The following FILIP1 variants were observed in gnomAD, a reference collection of about 807,000 sequenced individuals.
FILIP1 encodes filamin-A-interacting protein 1.
A neutral mutation model predicts 102.1 loss-of-function variants in FILIP1; 61 were observed. The observed-to-expected ratio is 0.60, with a 90% CI of 0.49 to 0.74. FILIP1 has a LOEUF of 0.74. FILIP1 is among the 30% of genes least tolerant of loss of function. The probability of loss-of-function intolerance (pLI) is 0.00; values close to 1 mark genes in which losing one functional copy is unlikely to be tolerated. For synonymous variants in FILIP1, 491 were observed against 526.9 expected, an observed-to-expected ratio of 0.93 and a Z score of 0.93; for missense variants, 1,314 against 1,441.2, an observed-to-expected ratio of 0.91 and a Z score of 1.43.
Position 75,315,476 on chromosome 6 carries a change from T to G in FILIP1, c.630-274A>C, listed in dbSNP as rs573505909. Among the ~76,000 whole-genome samples, 3 of 152,374 alleles carry G rather than the reference T, an allele frequency of 2.0e-5. No individual in the cohort carries two copies. In the East Asian group the frequency reaches 5.8e-4, roughly 29 times the overall value. On this transcript the variant is annotated intron_variant, in intron 4 of 5. Coordinates refer to ENST00000237172, the MANE Select transcript of FILIP1 (RefSeq NM_015687.5). ...GCTTGCTATACAGGATTGTTTAGCT[T>G]ACCTTATGAAATTTCAGTAAGCTGA...
At chr6:75,365,474 G>A (rs1445017047) in intron 2 of FILIP1, among the ~76,000 whole-genome samples, 2 of 152,226 alleles carry the variant, frequency 1.3e-5, no homozygotes, top group South Asian at 2.1e-4. Flanking sequence ...GGGTTCAAGC[G>A]ATTCTCCTGC....
chr6:75,485,390 A>C (rs969528195), intron 1 of FILIP1, among the ~76,000 whole-genome samples: 2 of 152,184 alleles, frequency 1.3e-5, no homozygotes, highest in Admixed American at 1.3e-4. Context: ...GGGGTGTGCT[A>C]GTATAGTTGT....
chr6:75,392,524 G>A (rs1367146054), intron 2 of FILIP1, among the ~76,000 whole-genome samples: 6 of 152,120 alleles, frequency 3.9e-5, no homozygotes, highest in Admixed American at 1.3e-4. Context: ...CATTTGCTCA[G>A]GCAAACAACC....
At chr6:75,424,115 A>C (rs1777559843) in intron 1 of FILIP1, among the ~76,000 whole-genome samples, 1 of 152,212 alleles carries the variant, frequency 6.6e-6, no homozygotes. Context: ...CCATTTGCCC[A>C]AACAATATGG....
intron 3 of FILIP1, among the ~76,000 whole-genome samples, chr6:75,356,118 A>C (rs573345969): frequency 6.6e-5 from 10 of 152,298 alleles, no homozygotes; most frequent in African/African-American, 9.6e-5. Context: ...CATATTTAAA[A>C]TCAGTTCTCA....
chr6:75,429,288 C>A (rs1189896909), intron 1 of FILIP1, among the ~76,000 whole-genome samples: 1 of 152,138 alleles, frequency 6.6e-6, no homozygotes, highest in Non-Finnish European at 1.5e-5. Flanking sequence ...GGATGGCAAA[C>A]AGAAATGCAA....
At chr6:75,395,792 C>T (rs1220852806) in intron 2 of FILIP1, among the ~76,000 whole-genome samples, 2 of 152,122 alleles carry the variant, frequency 1.3e-5, no homozygotes, top group Non-Finnish European at 2.9e-5. Context: ...ATAAAAGTTT[C>T]CGAACACCTG....
intron 2 of FILIP1, among the ~76,000 whole-genome samples, chr6:75,398,539 C>T (rs553358273): frequency 2.0e-5 from 3 of 152,152 alleles, no homozygotes; most frequent in Admixed American, 6.6e-5. Flanking sequence ...AAGAAGGGGC[C>T]GTCTGTATCT....
Position 75,314,532 on chromosome 6 carries a change from C to A in FILIP1, c.1300G>T (p.Glu434Ter). ...AATGCTTCTTCCAATTTCTCTAGTT[C>A]AGACATTCTCTTCTGTAGCTTCTCA... ...EVEKLQKRMS[E>*]LEKLEEAFSK... The change falls in exon 5 of 6, where the codon GAA becomes TAA. Residue 434 changes from glutamate to a stop codon, truncating the protein, a stop_gained. Coordinates refer to ENST00000237172, the MANE Select transcript of FILIP1 (RefSeq NM_015687.5). LOFTEE classifies it high-confidence loss of function. The A allele has an allele frequency of 6.2e-7, 1 of 1,613,816 alleles. No individual in the cohort carries two copies. The highest frequency in any genetic ancestry group is 8.5e-7 in the Non-Finnish European group (1 of 1,179,972).
intron 1 of FILIP1, 59 bp from the exon 2 acceptor site, chr6:75,415,037 G>A: frequency 6.7e-7 from 1 of 1,498,252 alleles, no homozygotes. Flanking sequence ...AATTATTTTT[G>A]CCTAAATACT....
chr6:75,436,822 G>C (rs544254883), intron 1 of FILIP1, among the ~76,000 whole-genome samples: 4 of 152,114 alleles, frequency 2.6e-5, no homozygotes, highest in Admixed American at 2.6e-4. Context: ...CAGCTCTCCA[G>C]AAAAAATAAA....
At chr6:75,390,688 A>G (rs771209830) in intron 2 of FILIP1, among the ~76,000 whole-genome samples, 5 of 152,170 alleles carry the variant, frequency 3.3e-5, no homozygotes, top group African/African-American at 4.8e-5. Context: ...ATCACCTTTC[A>G]CCAGGCCCTA....
intron 1 of FILIP1, among the ~76,000 whole-genome samples, chr6:75,427,413 A>T (rs564255966): frequency 6.6e-6 from 1 of 152,300 alleles, no homozygotes; most frequent in Non-Finnish European, 1.5e-5. Context: ...CATGCAAAGA[A>T]ATTTTCCTTT....
At chr6:75,409,605 A>G (rs183456476) in intron 2 of FILIP1, among the ~76,000 whole-genome samples, 1 of 152,242 alleles carries the variant, frequency 6.6e-6, no homozygotes, top group Admixed American at 6.5e-5. Flanking sequence ...CGAAACTAGG[A>G]TTATGGGAGG....
At position 75,420,322 on chromosome 6, in the gene FILIP1, G is replaced by A. The variant is rs181110148; in HGVS notation, c.-6-5344C>T. 3.4e-3 allele frequency among the ~76,000 whole-genome samples: 514 copies of A among 151,482 alleles called. 6 individuals are homozygous for A. The highest frequency in any genetic ancestry group is 0.012 in the African/African-American group (495 of 41,360). On this transcript the variant is annotated intron_variant, in intron 1 of 5. Transcript: ENST00000237172. ...AAAGACAAAAAATAACAAGAGAATA[G>A]ATCAGGGAACTGCCATGAAATAAGA...
chr6:75,441,972 G>C (rs1375476936), intron 1 of FILIP1, among the ~76,000 whole-genome samples: 3 of 151,762 alleles, frequency 2.0e-5, no homozygotes, highest in African/African-American at 4.8e-5. Context: ...TGGCTGCGGG[G>C]CGGAGACGCT....
intron 2 of FILIP1, among the ~76,000 whole-genome samples, chr6:75,381,698 T>C (rs1775910254): frequency 6.6e-6 from 1 of 152,178 alleles, no homozygotes; most frequent in Admixed American, 6.5e-5. Context: ...AAGTCTGACT[T>C]TGGATTTGTA....
intron 1 of FILIP1, among the ~76,000 whole-genome samples, chr6:75,446,987 A>G (rs918137879): frequency 6.6e-6 from 1 of 152,150 alleles, no homozygotes; most frequent in African/African-American, 2.4e-5. Flanking sequence ...CTTGGTTAAC[A>G]TTGGTGTCAT....
downstream of FILIP1, among the ~76,000 whole-genome samples, chr6:75,306,376 C>G (rs944771620): frequency 6.6e-6 from 1 of 152,164 alleles, no homozygotes; most frequent in African/African-American, 2.4e-5. Flanking sequence ...AAAGCAGCAG[C>G]AAGCGGCAAT....
Sources: gnomAD v4.1 joint callset for allele counts (sites outside exome capture counted in the v4.1 genomes callset) on GRCh38, gnomAD v4.1.1 for gene constraint, MANE v1.5 for transcripts, NCBI Gene and HGNC (gene_info 2026-07-23, HGNC 2026-07-21) for gene names.